The following KHDRBS2 variants were observed in gnomAD, a reference collection of about 807,000 sequenced individuals.
KHDRBS2 encodes KH RNA binding domain containing, signal transduction associated 2.
A neutral mutation model predicts 44.3 loss-of-function variants in KHDRBS2; 26 were observed. The ratio of observed to expected loss-of-function variants is 0.59; its 90% confidence interval spans 0.43 to 0.81. The LOEUF (loss-of-function observed/expected upper bound fraction) is 0.81, where lower values mean the gene tolerates loss of function less well. Ranked by LOEUF, KHDRBS2 falls within the 40% of genes least tolerant of loss-of-function variation. KHDRBS2 has a pLI of 0.00. For missense variants in KHDRBS2, 476 were observed against 433.1 expected (o/e 1.10, Z -0.88); for synonymous variants, 194 against 151.1 (o/e 1.28, Z -2.08).
intron 4 of KHDRBS2, among the ~76,000 whole-genome samples, chr6:61,945,109 A>ATGTATAT (rs1256689275): frequency 9.3e-4 from 34 of 36,554 alleles, no homozygotes; most frequent in South Asian, 3.4e-3. Flanking sequence ...AAAAAAAAAA[A>ATGTATAT]AAAGTATATA....
At chr6:61,993,566 T>C (rs1016634542) in intron 3 of KHDRBS2, among the ~76,000 whole-genome samples, 1 of 148,910 alleles carries the variant, frequency 6.7e-6, no homozygotes, top group African/African-American at 2.5e-5. Context: ...GCTATGGCAG[T>C]CAACAGTAAT....
chr6:61,852,668 C>T (rs1473907989), intron 6 of KHDRBS2, among the ~76,000 whole-genome samples: 4 of 151,812 alleles, frequency 2.6e-5, no homozygotes. Flanking sequence ...TTTGTTACAG[C>T]CTTTATGGAA....
chr6:62,002,140 T>C lies in KHDRBS2; in HGVS notation c.337-23928A>G, dbSNP rs1778363758. On this transcript the variant is annotated intron_variant, in intron 3 of 8. Transcript: ENST00000281156. The stretch of plus-strand genomic sequence containing the variant: ...CATTTGAAACCATTCAATTTTGACA[T>C]TTTAAGCTTCCTTTATGGGCATTAA... Among the ~76,000 whole-genome samples the C allele has an allele frequency of 2.6e-5, 4 of 151,948 alleles. 1 individual carries two copies. The South Asian group carries it at 8.3e-4, about 31-fold the overall frequency.
intron 6 of KHDRBS2, among the ~76,000 whole-genome samples, chr6:61,837,769 C>T (rs963830512): frequency 6.6e-6 from 1 of 151,984 alleles, no homozygotes; most frequent in Non-Finnish European, 1.5e-5. Context: ...CTTCTGTGAA[C>T]AACCCTCATT....
chr6:61,686,854 T>C (rs1377006165), intron 8 of KHDRBS2, among the ~76,000 whole-genome samples: 1 of 151,304 alleles, frequency 6.6e-6, no homozygotes, highest in East Asian at 1.9e-4. Context: ...TAATTAGTAT[T>C]AATTATATAA....
intron 3 of KHDRBS2, among the ~76,000 whole-genome samples, chr6:61,990,065 G>C (rs1257631283): frequency 6.6e-6 from 1 of 152,124 alleles, no homozygotes; most frequent in Non-Finnish European, 1.5e-5. Flanking sequence ...CACCCTCTCT[G>C]GGTTCCATTC....
intron 2 of KHDRBS2, among the ~76,000 whole-genome samples, chr6:62,174,322 A>T (rs182905860): frequency 6.6e-6 from 1 of 151,764 alleles, no homozygotes; most frequent in Admixed American, 6.6e-5. Flanking sequence ...GCCATAAAAA[A>T]ACTAGAAATA....
chr6:62,285,830 T>C, intron 1 of KHDRBS2, 28 bp downstream of exon 1: 1 of 1,548,642 alleles, frequency 6.5e-7, no homozygotes, highest in Non-Finnish European at 8.9e-7. Context: ...GCCGGCGGTT[T>C]GTGCCCATCT....
chr6:62,222,851 T>G (rs1490798407), intron 1 of KHDRBS2, among the ~76,000 whole-genome samples: 1 of 152,134 alleles, frequency 6.6e-6, no homozygotes, highest in Non-Finnish European at 1.5e-5. Context: ...AAGAGGTGAG[T>G]TCCTATGGTC....
At chr6:61,620,297 G>A in the KHDRBS2 span, among the ~76,000 whole-genome samples, 2 of 151,276 alleles carry the variant, frequency 1.3e-5, no homozygotes, top group Admixed American at 1.3e-4. Flanking sequence ...TAGACTTAAG[G>A]AGCCTATTTC....
intron 2 of KHDRBS2, among the ~76,000 whole-genome samples, chr6:62,146,454 T>C (rs2150102144): frequency 6.8e-6 from 1 of 146,214 alleles, no homozygotes; most frequent in East Asian, 2.0e-4. Context: ...AGCTACTTTA[T>C]ACATGGATTT....
At chr6:62,038,819 TAAC>T (rs1306564366) in intron 3 of KHDRBS2, among the ~76,000 whole-genome samples, 5 of 152,086 alleles carry the variant, frequency 3.3e-5, no homozygotes, top group Non-Finnish European at 7.4e-5. Flanking sequence ...ATACAAATAA[TAAC>T]AACAACAACC....
rs1297457077 is a variant in KHDRBS2 at position 62,099,446 on chromosome 6, C to A, written c.220-51452G>T. Reference sequence around the variant, plus strand: ...AGGTGTCCTAAGCCTAGGTTTATCCCATATCCTCGGTTGGTGTGTTGTTCC... The same window carrying A: ...AGGTGTCCTAAGCCTAGGTTTATCCAATATCCTCGGTTGGTGTGTTGTTCC... On this transcript the variant is annotated intron_variant, in intron 2 of 8. Transcript: ENST00000281156. Among the ~76,000 whole-genome samples, 3 of 152,146 alleles carry A rather than the reference C, an allele frequency of 2.0e-5. 1 individual carries two copies. Among genetic ancestry groups the A allele is most frequent in the Admixed American group, 2.0e-4 (3 of 15,274 alleles).
intron 2 of KHDRBS2, among the ~76,000 whole-genome samples, chr6:62,136,993 CTTTTTTTTTTTTTTTT>C (rs141092447): frequency 3.8e-5 from 3 of 78,320 alleles, no homozygotes; most frequent in East Asian, 8.3e-4. Flanking sequence ...TCTTTCTTTT[CTTTTTTTTTTTTTTTT>C]TTTTTTTTTG....
intron 4 of KHDRBS2, among the ~76,000 whole-genome samples, chr6:61,964,704 G>A (rs1769515791): frequency 6.6e-6 from 1 of 151,994 alleles, no homozygotes. Flanking sequence ...AATAAATTGA[G>A]GAATCATTGT....
chr6:62,087,503 G>T (rs1049864783), intron 2 of KHDRBS2, among the ~76,000 whole-genome samples: 3 of 151,956 alleles, frequency 2.0e-5, no homozygotes, highest in African/African-American at 4.8e-5. Context: ...AATAAAAAAA[G>T]ATATTAAATA....
At chr6:61,708,716 T>C (rs1429802790) in intron 7 of KHDRBS2, among the ~76,000 whole-genome samples, 1 of 151,604 alleles carries the variant, frequency 6.6e-6, no homozygotes, top group East Asian at 1.9e-4. Flanking sequence ...TATAGGTATA[T>C]TGATAGATAG....
intron 4 of KHDRBS2, among the ~76,000 whole-genome samples, chr6:61,955,547 TATGTATGTATAC>T (rs1766862786): frequency 2.3e-5 from 1 of 44,418 alleles, no homozygotes; most frequent in African/African-American, 9.3e-5. Context: ...TATATACACA[TATGTATGTATAC>T]ATGTGTATAT....
chr6:62,028,115 T>C (rs916855188), intron 3 of KHDRBS2, among the ~76,000 whole-genome samples: 14 of 152,168 alleles, frequency 9.2e-5, no homozygotes, highest in Non-Finnish European at 8.8e-5. Flanking sequence ...AGTATCAGAA[T>C]TGAGTTGAAT....
Sources: gnomAD v4.1 joint callset for allele counts (sites outside exome capture counted in the v4.1 genomes callset) on GRCh38, gnomAD v4.1.1 for gene constraint, MANE v1.5 for transcripts, NCBI Gene and HGNC (gene_info 2026-07-23, HGNC 2026-07-21) for gene names.